The following CYFIP2 variants were observed in gnomAD, a reference collection of about 807,000 sequenced individuals.
The protein encoded by CYFIP2 is cytoplasmic FMR1 interacting protein 2.
A neutral mutation model predicts 158.7 loss-of-function variants in CYFIP2; 29 were observed. The ratio of observed to expected loss-of-function variants is 0.18; its 90% CI spans 0.14 to 0.25. CYFIP2 has a LOEUF of 0.25. CYFIP2 is among the 10% of genes least tolerant of loss of function. The pLI, the probability that CYFIP2 is intolerant of heterozygous loss-of-function variation, is 1.00. For synonymous variants in CYFIP2, 585 were observed against 617.6 expected, an observed-to-expected ratio of 0.95 and a Z score of 0.78; for missense variants, 852 against 1,639.5, an observed-to-expected ratio of 0.52 and a Z score of 8.29.
chr5:157,343,011 G>A (rs1223084563), intron 23 of CYFIP2: 1 of 1,614,206 alleles, frequency 6.2e-7, no homozygotes, highest in Non-Finnish European at 8.5e-7. Context: ...GGGAGCCCCT[G>A]CAGGTCTTCC....
chr5:157,285,993 C>T (rs1377780925), intron 2 of CYFIP2, among the ~76,000 whole-genome samples: 1 of 152,096 alleles, frequency 6.6e-6, no homozygotes, highest in African/African-American at 2.4e-5. Flanking sequence ...TCGGTATAGC[C>T]CCTTGTCTGG....
intron 29 of CYFIP2, chr5:157,389,635 C>A: frequency 1.8e-6 from 1 of 547,590 alleles, no homozygotes; most frequent in East Asian, 3.0e-5. Flanking sequence ...CTGCCTCACC[C>A]CCACTACACT....
chr5:157,315,108 C>A lies in CYFIP2; in HGVS notation c.1356+14C>A, dbSNP rs762716866. ...GCCTTCGTTGAGGTAGGTGCAGACT[C>A]CCTGCATCTCCCTCCCTCCCCAAGG... On this transcript the variant is annotated intron_variant, in intron 13 of 30. Coordinates refer to ENST00000620254, the MANE Select transcript of CYFIP2 (RefSeq NM_001037333.3). The A allele has an allele frequency of 2.5e-6, 4 of 1,613,010 alleles. No homozygotes were observed. Among genetic ancestry groups the A allele is most frequent in the Non-Finnish European group, 3.4e-6 (4 of 1,179,454 alleles).
At chr5:157,300,979 G>A (rs1439661173) in intron 6 of CYFIP2, 83 bp downstream of exon 6, 1 of 1,282,890 alleles carries the variant, frequency 7.8e-7, no homozygotes, top group East Asian at 2.5e-5. Context: ...AGAGAATGGA[G>A]CCCCTCTCAC....
At chr5:157,386,869 G>A (rs1252027910) in intron 28 of CYFIP2, among the ~76,000 whole-genome samples, 8 of 150,352 alleles carry the variant, frequency 5.3e-5, no homozygotes, top group African/African-American at 1.2e-4. Flanking sequence ...GCAGTAAGCC[G>A]AGATTGCGCC....
intron 1 of CYFIP2, among the ~76,000 whole-genome samples, chr5:157,279,811 A>T (rs1360982510): frequency 6.6e-6 from 1 of 152,254 alleles, no homozygotes; most frequent in Non-Finnish European, 1.5e-5. Context: ...AATATAAAGA[A>T]TCATTCTCAC....
chr5:157,276,870 T>C (rs746407718), intron 1 of CYFIP2, among the ~76,000 whole-genome samples: 40 of 152,208 alleles, frequency 2.6e-4, no homozygotes, highest in Non-Finnish European at 5.4e-4. Flanking sequence ...GCATATAATA[T>C]TAGTTTTCTC....
intron 16 of CYFIP2, 33 bp from the exon 17 acceptor site, chr5:157,325,449 A>G (rs762063131): frequency 1.3e-6 from 2 of 1,567,786 alleles, no homozygotes; most frequent in Non-Finnish European, 1.7e-6. Context: ...TAGTTCTAAA[A>G]GTAACCAAAG....
intron 26 of CYFIP2, 125 bp from the exon 27 acceptor site, chr5:157,382,465 T>G: frequency 1.1e-6 from 1 of 914,976 alleles, no homozygotes; most frequent in Non-Finnish European, 1.7e-6. Flanking sequence ...AAGGTCACAG[T>G]GAGTAGAAGA....
In CYFIP2 at chr5:157,267,363, C is replaced by A. The variant is rs371486040; in HGVS notation, c.-24+1168C>A. On this transcript the variant is annotated intron_variant, in intron 1 of 30. Coordinates refer to ENST00000620254, the MANE Select transcript of CYFIP2 (RefSeq NM_001037333.3). ...CCCATTTCCTGCCTCCTGTCTGTGT[C>A]CCAGTTAGGGCAGTGGGTCTCACCT... 3.3e-5 allele frequency among the ~76,000 whole-genome samples: 5 copies of A among 152,336 alleles called. No homozygotes were observed. The East Asian group carries it at 9.6e-4, about 29-fold the overall frequency.
chr5:157,382,404 C>T (rs553203037), intron 26 of CYFIP2, among the ~76,000 whole-genome samples, 186 bp from the exon 27 acceptor site: 69 of 152,310 alleles, frequency 4.5e-4, no homozygotes, highest in South Asian at 8.3e-4. Context: ...CTGTTCTCAT[C>T]CTTATTTTGC....
chr5:157,310,389 T>C (rs2113027815), intron 10 of CYFIP2, among the ~76,000 whole-genome samples: 1 of 152,256 alleles, frequency 6.6e-6, no homozygotes, highest in East Asian at 1.9e-4. Flanking sequence ...GTTCCTTCTG[T>C]GTGCTTCTCG....
At chr5:157,372,314 G>A (rs1167555993) in intron 26 of CYFIP2, among the ~76,000 whole-genome samples, 2 of 151,752 alleles carry the variant, frequency 1.3e-5, no homozygotes, top group Non-Finnish European at 2.9e-5. Flanking sequence ...AGGCTGAAGT[G>A]ACTCAATGTC....
In CYFIP2 at chr5:157,320,677, A is replaced by G; in HGVS notation, c.1546A>G (p.Thr516Ala). ...LISVLQAIRK[T>A]ICDWEGGREP... Reference sequence around the variant, plus strand: ...CAGCGTCCTACAGGCAATTCGAAAGACCATCTGTGACTGGGAGGGAGGGCG... The same window carrying G: ...CAGCGTCCTACAGGCAATTCGAAAGGCCATCTGTGACTGGGAGGGAGGGCG... The change falls in exon 15 of 31, where the codon ACC becomes GCC. Residue 516 changes from threonine to alanine, a missense_variant. Thr to Ala is a moderately conservative substitution (Grantham distance 58). Coordinates refer to ENST00000620254, the MANE Select transcript of CYFIP2 (RefSeq NM_001037333.3). The G allele has an allele frequency of 6.2e-7, 1 of 1,613,956 alleles. No homozygotes were observed. The highest frequency in any genetic ancestry group is 8.5e-7 in the Non-Finnish European group (1 of 1,179,866).
At chr5:157,316,275 A>G (rs1390404199) in intron 13 of CYFIP2, among the ~76,000 whole-genome samples, 1 of 152,208 alleles carries the variant, frequency 6.6e-6, no homozygotes, top group Non-Finnish European at 1.5e-5. Flanking sequence ...ATATTTTTAA[A>G]TATGTAAAGA....
chr5:157,268,430 A>G (rs1755798213), intron 1 of CYFIP2, among the ~76,000 whole-genome samples: 1 of 152,136 alleles, frequency 6.6e-6, no homozygotes. Context: ...ACACTACATG[A>G]CCCCTCTGAT....
In CYFIP2 at chr5:157,278,510, A is replaced by G. The variant is rs143824767; in HGVS notation, c.-23-6829A>G. Among the ~76,000 whole-genome samples, 14 of 152,352 alleles carry G rather than the reference A, an allele frequency of 9.2e-5. No individual in the cohort carries two copies. The East Asian group carries it at 2.3e-3, about 25-fold the overall frequency. On this transcript the variant is annotated intron_variant, in intron 1 of 30. Transcript: ENST00000620254. ...ATCCTGTTTCTACCCTACCTCTGCC[A>G]CTAGCTGACCATGTGACCTTGAATA...
chr5:157,372,711 C>G (rs1345210265), intron 26 of CYFIP2, among the ~76,000 whole-genome samples: 3 of 152,110 alleles, frequency 2.0e-5, no homozygotes, highest in Non-Finnish European at 4.4e-5. Flanking sequence ...AGGCTGACCA[C>G]CTATTTGATT....
chr5:157,344,152 C>T (rs1015138942), intron 23 of CYFIP2, among the ~76,000 whole-genome samples: 1 of 152,094 alleles, frequency 6.6e-6, no homozygotes, highest in Admixed American at 6.5e-5. Context: ...TTTGTTTTTT[C>T]AAAGCCAGCG....
Sources: allele counts gnomAD v4.1 joint callset (sites outside exome capture counted in the v4.1 genomes callset), GRCh38; gene constraint gnomAD v4.1.1; transcripts MANE v1.5; gene names NCBI Gene and HGNC (gene_info 2026-07-23, HGNC 2026-07-21).